The following ERICH1 variants were observed in gnomAD, a reference collection of about 807,000 sequenced individuals.
ERICH1 encodes glutamate rich 1, also known as glutamate-rich protein 1.
In ERICH1, 56 loss-of-function variants were observed where a neutral mutation model predicts 39.6. The observed-to-expected ratio is 1.41, with a 90% CI of 1.14 to 1.77. The LOEUF (loss-of-function observed/expected upper bound fraction) is 1.77, where lower values mean the gene tolerates loss of function less well. Ranked by LOEUF, ERICH1 falls within the 40% of genes most tolerant of loss-of-function variation. The pLI, the probability that ERICH1 is intolerant of heterozygous loss-of-function variation, is 0.00. For missense variants in ERICH1, 826 were observed against 575.4 expected (o/e 1.44, Z -4.45); for synonymous variants, 313 against 223.6 (o/e 1.40, Z -3.57).
intron 1 of ERICH1, among the ~76,000 whole-genome samples, chr8:717,960 G>A (rs1816412945): frequency 6.6e-6 from 1 of 152,266 alleles, no homozygotes; most frequent in Non-Finnish European, 1.5e-5. Context: ...AGATGACAGA[G>A]TTTTCTGAAA....
chr8:718,960 G>T (rs1263581267), intron 1 of ERICH1, among the ~76,000 whole-genome samples: 1 of 151,962 alleles, frequency 6.6e-6, no homozygotes. Flanking sequence ...GCTTCTCTGT[G>T]CGCTCCCATC....
intron 3 of ERICH1, among the ~76,000 whole-genome samples, chr8:637,917 T>C (rs982125478): frequency 6.6e-6 from 1 of 152,376 alleles, no homozygotes; most frequent in South Asian, 2.1e-4. Context: ...CCGAACAAAA[T>C]GCAGGGGCCA....
chr8:697,221 C>T (rs561761833), intron 2 of ERICH1, among the ~76,000 whole-genome samples: 113 of 152,332 alleles, frequency 7.4e-4, no homozygotes, highest in African/African-American at 2.5e-3. Flanking sequence ...TGCTGAGGCT[C>T]CCGTCCATCC....
chr8:679,148 C>T (rs888787316), intron 3 of ERICH1, among the ~76,000 whole-genome samples: 14 of 149,144 alleles, frequency 9.4e-5, no homozygotes, highest in African/African-American at 2.7e-4. Flanking sequence ...GTCAAAGCTC[C>T]GGCCCCTCAC....
chr8:660,055 C>G (rs1262857055), downstream of ERICH1, among the ~76,000 whole-genome samples: 8 of 152,364 alleles, frequency 5.3e-5, no homozygotes, highest in East Asian at 1.5e-3. Context: ...TGCAGTGGAA[C>G]AGAGGCCTGT....
At chr8:660,876 C>T (rs963073410), downstream of ERICH1, among the ~76,000 whole-genome samples, 2 of 152,080 alleles carry the variant, frequency 1.3e-5, no homozygotes, top group Non-Finnish European at 1.5e-5. Flanking sequence ...GGGTGGTTCT[C>T]GGGCAGGCTC....
In ERICH1 at chr8:670,722, T is replaced by C. The variant is rs909139268; in HGVS notation, c.1064-1930A>G. On this transcript the variant is annotated intron_variant, in intron 4 of 5. Coordinates refer to ENST00000262109, the MANE Select transcript of ERICH1 (RefSeq NM_207332.3). The stretch of plus-strand genomic sequence containing the variant: ...TGGGCAAAGGTTCTAAGGGAAGCCA[T>C]GCAGTGTTGAGTTCTGTTCTCTGAC... Among the ~76,000 whole-genome samples, 11 of 152,200 alleles carry C rather than the reference T, an allele frequency of 7.2e-5. No individual in the cohort carries two copies. The East Asian group carries it at 1.3e-3, about 19-fold the overall frequency.
chr8:638,914 T>C (rs545583642), intron 3 of ERICH1, among the ~76,000 whole-genome samples: 23 of 152,256 alleles, frequency 1.5e-4, no homozygotes, highest in Non-Finnish European at 3.1e-4. Flanking sequence ...TGACCCACAC[T>C]TGGTTCCCTC....
intron 1 of ERICH1, among the ~76,000 whole-genome samples, chr8:716,855 G>C (rs974115787): frequency 6.6e-6 from 1 of 152,114 alleles, no homozygotes; most frequent in African/African-American, 2.4e-5. Context: ...GCTTCTAGGC[G>C]AGGCAGGGAG....
At chr8:722,681 G>A (rs1039990787) in intron 1 of ERICH1, among the ~76,000 whole-genome samples, 4 of 152,168 alleles carry the variant, frequency 2.6e-5, no homozygotes, top group African/African-American at 9.7e-5. Context: ...ATGATCATTC[G>A]TGATTCTCTA....
chr8:632,124 G>A (rs1373304066), intron 3 of ERICH1, among the ~76,000 whole-genome samples: 1 of 152,174 alleles, frequency 6.6e-6, no homozygotes, highest in Non-Finnish European at 1.5e-5. Context: ...GTGCTCAGGA[G>A]AGGAAAACTT....
intron 3 of ERICH1, among the ~76,000 whole-genome samples, chr8:684,987 T>C (rs907707704): frequency 3.9e-5 from 6 of 152,172 alleles, no homozygotes; most frequent in South Asian, 2.1e-4. Context: ...TGTGCATACA[T>C]TGTCATTGAT....
At chr8:628,640 G>A (rs1462066682) in intron 3 of ERICH1, among the ~76,000 whole-genome samples, 2 of 152,214 alleles carry the variant, frequency 1.3e-5, no homozygotes, top group Non-Finnish European at 1.5e-5. Context: ...TCTGAAGTCA[G>A]CCTCAGGATG....
chr8:674,882 A>G (rs1804313953), intron 3 of ERICH1, among the ~76,000 whole-genome samples: 1 of 152,232 alleles, frequency 6.6e-6, no homozygotes, highest in African/African-American at 2.4e-5. Flanking sequence ...GCTAATAACC[A>G]GCTCTCGGAA....
intron 2 of ERICH1, among the ~76,000 whole-genome samples, chr8:700,510 G>A (rs112179967): frequency 6.3e-5 from 8 of 127,490 alleles, no homozygotes; most frequent in African/African-American, 2.4e-4. Context: ...GCACAGGCCC[G>A]CACAGGCGCA....
intron 3 of ERICH1, among the ~76,000 whole-genome samples, chr8:684,846 G>C (rs999748516): frequency 6.6e-6 from 1 of 152,204 alleles, no homozygotes; most frequent in Non-Finnish European, 1.5e-5. Context: ...AGGGGAGGGA[G>C]TGTACAAATA....
downstream of ERICH1, among the ~76,000 whole-genome samples, chr8:663,226 C>T (rs1014883969): frequency 2.0e-5 from 3 of 152,042 alleles, no homozygotes; most frequent in Non-Finnish European, 2.9e-5. Flanking sequence ...CAGGGGCCGG[C>T]GGGGACGCCA....
At chr8:730,369 GA>G (rs1819698028) in intron 1 of ERICH1, among the ~76,000 whole-genome samples, 2 of 152,022 alleles carry the variant, frequency 1.3e-5, no homozygotes, top group Non-Finnish European at 2.9e-5. Flanking sequence ...ATTTCAAAGG[GA>G]AAAACATGAT....
intron 3 of ERICH1, among the ~76,000 whole-genome samples, chr8:621,706 CGAAA>C (rs543444717): frequency 2.6e-5 from 4 of 151,208 alleles, no homozygotes; most frequent in African/African-American, 9.7e-5. Flanking sequence ...AGAAAGACTA[CGAAA>C]GAAAGAGAGG....
Sources: gnomAD v4.1 joint callset for allele counts (sites outside exome capture counted in the v4.1 genomes callset) on GRCh38, gnomAD v4.1.1 for gene constraint, MANE v1.5 for transcripts, NCBI Gene and HGNC (gene_info 2026-07-23, HGNC 2026-07-21) for gene names.